The following PREX1 variants were observed in gnomAD, a reference collection of about 807,000 sequenced individuals.
PREX1 encodes the protein phosphatidylinositol-3,4,5-trisphosphate dependent Rac exchange factor 1, also known as phosphatidylinositol 3,4,5-trisphosphate-dependent Rac exchanger 1 protein.
A neutral mutation model predicts 198.3 loss-of-function variants in PREX1; 41 were observed. The observed-to-expected ratio is 0.21, with a 90% confidence interval of 0.16 to 0.27. The LOEUF is 0.27. PREX1 is among the 10% of genes least tolerant of loss of function. The pLI is 1.00. For synonymous variants in PREX1, 843 were observed against 887.2 expected (o/e 0.95, Z 0.89); for missense variants, 1,620 against 2,200.7 (o/e 0.74, Z 5.28).
intron 1 of PREX1, among the ~76,000 whole-genome samples, chr20:48,794,615 CG>C (rs2090352250): frequency 6.6e-6 from 1 of 152,108 alleles, no homozygotes; most frequent in Non-Finnish European, 1.5e-5. Flanking sequence ...AGGAGGAGGC[CG>C]GCTGGTCAGG....
At chr20:48,856,205 C>G in the PREX1 span, among the ~76,000 whole-genome samples, 1 of 152,222 alleles carries the variant, frequency 6.6e-6, no homozygotes, top group East Asian at 1.9e-4. Context: ...TTGCTGTCTC[C>G]TCCTTTCTTC....
At chr20:48,704,981 G>A (rs1333183314) in intron 6 of PREX1, among the ~76,000 whole-genome samples, 1 of 152,214 alleles carries the variant, frequency 6.6e-6, no homozygotes, top group Non-Finnish European at 1.5e-5. Context: ...ACAAGTTCCA[G>A]TCAAAGCTCT....
intron 1 of PREX1, among the ~76,000 whole-genome samples, chr20:48,822,969 G>C (rs2090493249): frequency 1.3e-5 from 2 of 152,034 alleles, no homozygotes; most frequent in South Asian, 4.1e-4. Flanking sequence ...TGTGAGACTA[G>C]GAGTACAGAA....
chr20:48,624,509 C>G lies in PREX1; in HGVS notation c.*1376G>C, dbSNP rs1452639803. On this transcript the variant is annotated 3_prime_UTR_variant, in exon 40 of 40. Coordinates refer to ENST00000371941, the MANE Select transcript of PREX1 (RefSeq NM_020820.4). ...GGGCGGGAGGCTCGGATGCCAGATG[C>G]CGGGAGGGCTTCAAGCTCCCAGGCC... 2 of 152,416 alleles carry G rather than the reference C, an allele frequency of 1.3e-5. No homozygotes were observed. Among genetic ancestry groups the G allele is most frequent in the Non-Finnish European group, 2.9e-5 (2 of 68,044 alleles). 9.4% of individuals were successfully genotyped at this position (152,416 alleles called of 1,614,324 possible).
the PREX1 span, among the ~76,000 whole-genome samples, chr20:48,881,675 C>T: frequency 6.6e-6 from 1 of 152,186 alleles, no homozygotes; most frequent in South Asian, 2.1e-4. Context: ...TTAGTAGAGA[C>T]GGGGTTTCAC....
At chr20:48,685,263 G>A (rs1026937136) in intron 10 of PREX1, among the ~76,000 whole-genome samples, 2 of 152,192 alleles carry the variant, frequency 1.3e-5, no homozygotes, top group African/African-American at 2.4e-5. Flanking sequence ...CGATGCCAGA[G>A]GGCACAGGCC....
At chr20:48,627,192 C>G (rs2089278980) in intron 39 of PREX1, among the ~76,000 whole-genome samples, 1 of 150,166 alleles carries the variant, frequency 6.7e-6, no homozygotes, top group Admixed American at 6.7e-5. Context: ...GGGTCAGGGA[C>G]TCAGGGTAGG....
At chr20:48,660,087 G>A (rs1433209703) in intron 15 of PREX1, 26 bp from the exon 16 acceptor site, 1 of 1,606,498 alleles carries the variant, frequency 6.2e-7, no homozygotes, top group Non-Finnish European at 8.5e-7. Context: ...TGTGCACTCA[G>A]TGGTCAGATT....
rs2090100889 is a variant in PREX1 at position 48,744,956 on chromosome 20, G to A, written c.414+69C>T. On this transcript the variant is annotated intron_variant, in intron 3 of 39. Coordinates refer to ENST00000371941, the MANE Select transcript of PREX1 (RefSeq NM_020820.4). The stretch of plus-strand genomic sequence containing the variant: ...GAGGAAGCTGGTGAAGGCGGATGGG[G>A]CAGGGACCCAGGGAGAAGCCCACTT... 5 of 1,578,990 alleles carry A rather than the reference G, an allele frequency of 3.2e-6. No individual in the cohort carries two copies. The South Asian group carries it at 5.7e-5, about 18-fold the overall frequency.
intron 7 of PREX1, among the ~76,000 whole-genome samples, chr20:48,694,869 T>G (rs1445352268): frequency 6.6e-6 from 1 of 152,166 alleles, no homozygotes; most frequent in Non-Finnish European, 1.5e-5. Flanking sequence ...AGACTCCCTG[T>G]GTCTGCCGGT....
At chr20:48,734,413 G>A (rs1285261380) in intron 4 of PREX1, 133 bp downstream of exon 4, 7 of 808,578 alleles carry the variant, frequency 8.7e-6, no homozygotes, top group Non-Finnish European at 1.4e-5. Flanking sequence ...GGCGATCCCT[G>A]CTTTAGGCAG....
chr20:48,688,085 C>T (rs1483929209), intron 10 of PREX1, among the ~76,000 whole-genome samples: 1 of 151,134 alleles, frequency 6.6e-6, no homozygotes, highest in African/African-American at 2.4e-5. Context: ...ATGGCAGCCC[C>T]AGCCAAAAAA....
At chr20:48,680,214 T>C (rs1057443595) in intron 11 of PREX1, among the ~76,000 whole-genome samples, 2 of 152,064 alleles carry the variant, frequency 1.3e-5, no homozygotes, top group Admixed American at 1.3e-4. Flanking sequence ...TCAGATCCAT[T>C]AGCAATGCCT....
At chr20:48,786,272 C>T (rs1218271453) in intron 1 of PREX1, among the ~76,000 whole-genome samples, 1 of 152,152 alleles carries the variant, frequency 6.6e-6, no homozygotes, top group African/African-American at 2.4e-5. Context: ...ATCTATTTGC[C>T]TCCTTTCAGG....
chr20:48,728,628 G>A (rs1408230709), intron 4 of PREX1, among the ~76,000 whole-genome samples: 3 of 152,190 alleles, frequency 2.0e-5, no homozygotes, highest in Non-Finnish European at 4.4e-5. Flanking sequence ...ACTTGCCACA[G>A]GCTGCCCTGG....
chr20:48,818,753 T>A (rs888286506), intron 1 of PREX1, among the ~76,000 whole-genome samples: 1 of 152,256 alleles, frequency 6.6e-6, no homozygotes, highest in Non-Finnish European at 1.5e-5. Context: ...TTTTTAATTA[T>A]GCAAATGAGT....
chr20:48,673,634 C>A (rs980076427), intron 14 of PREX1, among the ~76,000 whole-genome samples: 1 of 152,176 alleles, frequency 6.6e-6, no homozygotes, highest in African/African-American at 2.4e-5. Context: ...CCACATGGCA[C>A]CCCTGTCACC....
the PREX1 span, among the ~76,000 whole-genome samples, chr20:48,860,282 C>A: frequency 6.6e-6 from 1 of 152,138 alleles, no homozygotes; most frequent in Non-Finnish European, 1.5e-5. Flanking sequence ...CACCAAAAGA[C>A]AAATACTATA....
the PREX1 span, among the ~76,000 whole-genome samples, chr20:48,847,364 T>TAAAAAAA: frequency 2.5e-3 from 194 of 77,156 alleles, 4 homozygotes; most frequent in African/African-American, 9.8e-3. Flanking sequence ...CCTTCTCTTA[T>TAAAAAAA]AAAAAAAAAA....
Sources: allele counts gnomAD v4.1 joint callset (sites outside exome capture counted in the v4.1 genomes callset), GRCh38; gene constraint gnomAD v4.1.1; transcripts MANE v1.5; gene names NCBI Gene and HGNC (gene_info 2026-07-23, HGNC 2026-07-21).